The following MSI2 variants were observed in gnomAD, a reference collection of about 807,000 sequenced individuals.
MSI2 encodes RNA-binding protein Musashi homolog 2.
MSI2 carries 17 observed loss-of-function variants against 45.6 expected under a neutral mutation model. That is an observed-to-expected ratio of 0.37 (90% CI 0.26 to 0.56). The LOEUF (loss-of-function observed/expected upper bound fraction) is 0.56. MSI2 is among the 20% of genes least tolerant of loss of function. The pLI, the probability that MSI2 is intolerant of heterozygous loss-of-function variation, is 0.77. For missense variants in MSI2, 293 were observed against 444.2 expected, an observed-to-expected ratio of 0.66 and a Z score of 3.06; for synonymous variants, 156 against 158.2, an observed-to-expected ratio of 0.99 and a Z score of 0.11.
intron 7 of MSI2, among the ~76,000 whole-genome samples, chr17:57,561,002 G>A (rs1317272104): frequency 6.6e-6 from 1 of 152,202 alleles, no homozygotes; most frequent in East Asian, 1.9e-4. Context: ...CCTGCTTCAG[G>A]GGAAATGGTG....
intron 6 of MSI2, among the ~76,000 whole-genome samples, chr17:57,505,138 G>A (rs2086200374): frequency 6.6e-6 from 1 of 152,068 alleles, no homozygotes; most frequent in South Asian, 2.1e-4. Context: ...GCTGGGGTTG[G>A]AGGTCCCAGA....
chr17:57,639,166 A>G (rs957010107), intron 10 of MSI2, among the ~76,000 whole-genome samples: 1 of 152,170 alleles, frequency 6.6e-6, no homozygotes, highest in African/African-American at 2.4e-5. Flanking sequence ...TCACCTTGAG[A>G]GTGAGGATGT....
chr17:57,687,013 C>CT (rs966440838), downstream of MSI2, among the ~76,000 whole-genome samples: 6 of 147,618 alleles, frequency 4.1e-5, no homozygotes, highest in Non-Finnish European at 9.1e-5. Flanking sequence ...CAGCCCCCCC[C>CT]CCAAAAAATT....
At chr17:57,632,147 A>G (rs1909438115) in intron 10 of MSI2, 1 of 1,200,948 alleles carries the variant, frequency 8.3e-7, no homozygotes, top group South Asian at 2.9e-5. Context: ...TCCTCAGGGG[A>G]AGCTAGGAAG....
intron 6 of MSI2, among the ~76,000 whole-genome samples, chr17:57,436,676 C>G (rs1399907767): frequency 6.6e-6 from 1 of 152,194 alleles, no homozygotes; most frequent in African/African-American, 2.4e-5. Flanking sequence ...GAATTGGAGA[C>G]TTGGGTGGAA....
intron 5 of MSI2, among the ~76,000 whole-genome samples, chr17:57,396,800 C>T (rs1175310856): frequency 6.6e-6 from 1 of 152,162 alleles, no homozygotes; most frequent in East Asian, 1.9e-4. Context: ...CAGGCAAGAG[C>T]GCACACACGC....
chr17:57,329,223 A>G (rs1384360033), intron 5 of MSI2, among the ~76,000 whole-genome samples: 1 of 152,234 alleles, frequency 6.6e-6, no homozygotes, highest in South Asian at 2.1e-4. Flanking sequence ...ACAGCTCTAC[A>G]TTTTGTAGAA....
chr17:57,285,960 G>A, intron 5 of MSI2: 1 of 1,534,766 alleles, frequency 6.5e-7, no homozygotes, highest in Non-Finnish European at 8.7e-7. Flanking sequence ...ATTCAACATG[G>A]ATGGAGTGGG....
intron 5 of MSI2, among the ~76,000 whole-genome samples, chr17:57,293,595 G>GTTT (rs71139983): frequency 0.53 from 70,786 of 134,220 alleles, 19,294 homozygotes; most frequent in Middle Eastern, 0.67. Context: ...TTGTTTTTTT[G>GTTT]TTTTTTTTTT....
intron 5 of MSI2, among the ~76,000 whole-genome samples, chr17:57,376,059 A>G (rs998191654): frequency 6.6e-6 from 1 of 152,132 alleles, no homozygotes; most frequent in African/African-American, 2.4e-5. Context: ...ATTGACGCCA[A>G]TGTGGGATTA....
At chr17:57,508,213 T>A (rs1226745459) in intron 6 of MSI2, among the ~76,000 whole-genome samples, 1 of 152,168 alleles carries the variant, frequency 6.6e-6, no homozygotes, top group Non-Finnish European at 1.5e-5. Flanking sequence ...CTGGCAGCTC[T>A]GGACAGGCCA....
In MSI2 at chr17:57,680,550, TTGTC is replaced by T. The variant is rs1260489109; in HGVS notation, c.*1037_*1040del. The T allele has an allele frequency of 4.4e-6, 1 of 228,608 alleles. No individual in the cohort carries two copies. The allele number at this position is 228,608 out of a possible 1,614,324, so 14.2% of individuals were successfully genotyped here. ...CAAGTTAGAGCACTGTTTAGCTCCT[TTGTC>T]TGTGTGATAGACCTAAGAACTGTAT... On this transcript the variant is annotated 3_prime_UTR_variant, in exon 14 of 14. Coordinates refer to ENST00000284073, the MANE Select transcript of MSI2 (RefSeq NM_138962.4).
At chr17:57,603,647 G>A (rs936896636) in intron 8 of MSI2, among the ~76,000 whole-genome samples, 18 of 152,296 alleles carry the variant, frequency 1.2e-4, no homozygotes, top group Admixed American at 3.9e-4. Flanking sequence ...TTTCTGTAAC[G>A]GGCCAGAGAG....
At chr17:57,258,115 C>T (rs1307192296) in intron 3 of MSI2, among the ~76,000 whole-genome samples, 155 bp from the exon 4 acceptor site, 2 of 151,990 alleles carry the variant, frequency 1.3e-5, no homozygotes, top group African/African-American at 4.8e-5. Context: ...AGGTGGAGGG[C>T]TGTAGGCAGG....
chr17:57,563,121 A>AAAC (rs1555624268), intron 7 of MSI2, among the ~76,000 whole-genome samples: 318 of 150,010 alleles, frequency 2.1e-3, no homozygotes, highest in African/African-American at 7.1e-3. Flanking sequence ...AAAAAAAAAA[A>AAAC]CAGTGCATAG....
chr17:57,401,472 G>T lies in MSI2; in HGVS notation c.405+1G>T. The T allele has an allele frequency of 6.2e-7, 1 of 1,613,624 alleles. No homozygotes were observed. On this transcript the variant is annotated splice_donor_variant, in intron 6 of 13. Coordinates refer to ENST00000284073, the MANE Select transcript of MSI2 (RefSeq NM_138962.4). LOFTEE classifies it high-confidence loss of function. Reference sequence around the variant, plus strand: ...GCAATATTTCGAGCAGTTTGGCAAGGTAAGCGCTGGATGGGGTTGGATGGC... The same window carrying T: ...GCAATATTTCGAGCAGTTTGGCAAGTTAAGCGCTGGATGGGGTTGGATGGC...
chr17:57,645,611 T>G (rs868435628), intron 10 of MSI2, among the ~76,000 whole-genome samples: 37 of 151,900 alleles, frequency 2.4e-4, no homozygotes, highest in African/African-American at 8.9e-4. Flanking sequence ...AGCTTTTTTT[T>G]TTTTATTTTT....
At chr17:57,398,499 T>C (rs562400122) in intron 5 of MSI2, among the ~76,000 whole-genome samples, 3 of 152,236 alleles carry the variant, frequency 2.0e-5, no homozygotes, top group Non-Finnish European at 2.9e-5. Flanking sequence ...GAAAGTGTTT[T>C]TGAAATTATA....
chr17:57,481,174 C>T (rs1442467696), intron 6 of MSI2, among the ~76,000 whole-genome samples: 1 of 152,212 alleles, frequency 6.6e-6, no homozygotes, highest in Non-Finnish European at 1.5e-5. Context: ...TTAAAGCCTG[C>T]ATTTCCCTGT....
Sources: gnomAD v4.1 joint callset for allele counts (sites outside exome capture counted in the v4.1 genomes callset) on GRCh38, gnomAD v4.1.1 for gene constraint, MANE v1.5 for transcripts, NCBI Gene and HGNC (gene_info 2026-07-23, HGNC 2026-07-21) for gene names.